The following MAGI2 variants were observed in gnomAD, a reference collection of about 807,000 sequenced individuals.
The protein encoded by MAGI2 is membrane-associated guanylate kinase, WW and PDZ domain-containing protein 2.
A neutral mutation model predicts 133.3 loss-of-function variants in MAGI2; 35 were observed. The ratio of observed to expected loss-of-function variants is 0.26; its 90% CI spans 0.20 to 0.35. MAGI2 has a LOEUF of 0.35. Among genes scored for constraint, MAGI2 ranks in the 10% least tolerant of loss-of-function variants. The pLI, the probability that MAGI2 is intolerant of heterozygous loss-of-function variation, is 1.00. For synonymous variants in MAGI2, 729 were observed against 710.6 expected, an observed-to-expected ratio of 1.03 and a Z score of -0.41; for missense variants, 1,636 against 1,863.4, an observed-to-expected ratio of 0.88 and a Z score of 2.25.
chr7:78,721,405 T>A (rs1222285087), intron 2 of MAGI2, among the ~76,000 whole-genome samples: 1 of 151,996 alleles, frequency 6.6e-6, no homozygotes, highest in Non-Finnish European at 1.5e-5. Context: ...TAGGTTCCTT[T>A]AAAAAAATCA....
chr7:78,694,588 G>C (rs977327052), intron 2 of MAGI2, among the ~76,000 whole-genome samples: 6 of 152,098 alleles, frequency 3.9e-5, no homozygotes, highest in African/African-American at 1.4e-4. Context: ...TTACTTTAAA[G>C]AGTTTCATCT....
intron 2 of MAGI2, among the ~76,000 whole-genome samples, chr7:78,662,705 A>T (rs1773394687): frequency 6.6e-6 from 1 of 152,230 alleles, no homozygotes; most frequent in South Asian, 2.1e-4. Flanking sequence ...GGTTTCATAA[A>T]ATAAAATTAT....
intron 1 of MAGI2, among the ~76,000 whole-genome samples, chr7:79,158,948 T>C (rs1824081396): frequency 6.6e-6 from 1 of 152,196 alleles, no homozygotes; most frequent in East Asian, 1.9e-4. Context: ...TAATTCAAAG[T>C]TTATTTAAGG....
chr7:78,652,850 C>A (rs572928974), intron 2 of MAGI2, among the ~76,000 whole-genome samples: 6 of 152,060 alleles, frequency 3.9e-5, no homozygotes, highest in African/African-American at 1.4e-4. Context: ...AACAGGCAAC[C>A]TACAGAATGG....
chr7:78,909,025 C>G (rs1430725390), intron 2 of MAGI2, among the ~76,000 whole-genome samples: 5 of 151,188 alleles, frequency 3.3e-5, no homozygotes, highest in Non-Finnish European at 7.4e-5. Context: ...AGTGAACAGG[C>G]AACCTACAGA....
At chr7:79,383,803 C>T (rs1330565477) in intron 1 of MAGI2, among the ~76,000 whole-genome samples, 1 of 151,342 alleles carries the variant, frequency 6.6e-6, no homozygotes, top group Non-Finnish European at 1.5e-5. Context: ...AAAGGAGGAA[C>T]ACAAGGATAC....
intron 1 of MAGI2, among the ~76,000 whole-genome samples, chr7:79,228,884 TA>T (rs1415887081): frequency 6.6e-6 from 1 of 151,966 alleles, no homozygotes; most frequent in African/African-American, 2.4e-5. Context: ...GGAAGCGGAG[TA>T]GGGGCAATGG....
At chr7:79,376,376 C>CT (rs1363542131) in intron 1 of MAGI2, among the ~76,000 whole-genome samples, 3 of 151,980 alleles carry the variant, frequency 2.0e-5, no homozygotes, top group Non-Finnish European at 4.4e-5. Context: ...ACCCAACCTT[C>CT]TTTTTTGTGA....
intron 7 of MAGI2, among the ~76,000 whole-genome samples, chr7:78,352,518 A>G (rs1015481796): frequency 1.3e-5 from 2 of 152,168 alleles, no homozygotes; most frequent in African/African-American, 4.8e-5. Flanking sequence ...TCCATTCATT[A>G]TTTCCTACTG....
At chr7:79,328,754 T>C (rs1451630450) in intron 1 of MAGI2, among the ~76,000 whole-genome samples, 1 of 151,668 alleles carries the variant, frequency 6.6e-6, no homozygotes, top group Non-Finnish European at 1.5e-5. Context: ...CATTTTCCTT[T>C]TTGAATAGAA....
intron 1 of MAGI2, among the ~76,000 whole-genome samples, chr7:79,037,539 C>A (rs1192196275): frequency 6.6e-6 from 1 of 152,032 alleles, no homozygotes; most frequent in East Asian, 1.9e-4. Flanking sequence ...GAATTTTATG[C>A]TTGTTAATAG....
intron 1 of MAGI2, among the ~76,000 whole-genome samples, chr7:79,043,840 GA>G (rs1811919640): frequency 6.6e-6 from 1 of 152,056 alleles, no homozygotes; most frequent in Admixed American, 6.6e-5. Flanking sequence ...TCCCAAGATT[GA>G]AAGAGCAAGA....
intron 1 of MAGI2, among the ~76,000 whole-genome samples, chr7:79,078,974 C>A (rs1204475493): frequency 6.6e-6 from 1 of 152,128 alleles, no homozygotes; most frequent in Non-Finnish European, 1.5e-5. Flanking sequence ...TTTACTCAAT[C>A]TTTCATAGAT....
chr7:78,108,376 T>G lies in MAGI2; in HGVS notation c.3567+17318A>C, dbSNP rs562156685. ...TCAATTTGTTTGAATTTTTTAAGAC[T>G]TGTTTTGTGGCCTAACATATGGTCT... On this transcript the variant is annotated intron_variant, in intron 20 of 21. Transcript: ENST00000354212. Among the ~76,000 whole-genome samples the G allele has an allele frequency of 3.0e-4, 45 of 152,324 alleles. No individual in the cohort carries two copies. In the South Asian group the frequency reaches 9.3e-3, roughly 32 times the overall value.
chr7:79,163,977 A>G (rs1824675822), intron 1 of MAGI2, among the ~76,000 whole-genome samples: 1 of 151,912 alleles, frequency 6.6e-6, no homozygotes. Flanking sequence ...CCCCTTACAC[A>G]ATTGGCTATT....
chr7:78,557,210 GTTTTACCCTCTGTACTGAATTGCCAAT>G (rs1045271774), intron 3 of MAGI2, among the ~76,000 whole-genome samples: 3 of 151,928 alleles, frequency 2.0e-5, no homozygotes, highest in African/African-American at 7.3e-5. Flanking sequence ...AGTGATGTGA[GTTTTACCCTCTGTACTGAATTGCCAAT>G]TTCTGCATTC....
chr7:78,572,924 T>C (rs1801662626), intron 3 of MAGI2, among the ~76,000 whole-genome samples: 2 of 149,402 alleles, frequency 1.3e-5, no homozygotes, highest in Non-Finnish European at 3.0e-5. Context: ...GGCCTCACGA[T>C]TACAGGCATG....
At chr7:78,789,837 T>C (rs546117352) in intron 2 of MAGI2, among the ~76,000 whole-genome samples, 1 of 152,298 alleles carries the variant, frequency 6.6e-6, no homozygotes, top group South Asian at 2.1e-4. Flanking sequence ...AATCCACCTG[T>C]GGTCTTTTAC....
intron 1 of MAGI2, among the ~76,000 whole-genome samples, chr7:79,168,564 T>C (rs192516832): frequency 6.6e-6 from 1 of 152,074 alleles, no homozygotes; most frequent in African/African-American, 2.4e-5. Flanking sequence ...TGTTGTTATG[T>C]TCTTTAAACT....
Sources: allele counts gnomAD v4.1 joint callset (sites outside exome capture counted in the v4.1 genomes callset), GRCh38; gene constraint gnomAD v4.1.1; transcripts MANE v1.5; gene names NCBI Gene and HGNC (gene_info 2026-07-23, HGNC 2026-07-21).